Variants in GLB1 observed in about 807,000 individuals in gnomAD.
GLB1 encodes the protein beta-galactosidase.
In GLB1, 56 loss-of-function variants were observed where a neutral mutation model predicts 74.0. The ratio of observed to expected loss-of-function variants is 0.76; its 90% CI spans 0.61 to 0.94. GLB1 has a LOEUF of 0.94. Ranked by LOEUF, GLB1 falls within the 40% of genes least tolerant of loss-of-function variation. The pLI is 0.00. For synonymous variants in GLB1, 323 were observed against 323.6 expected (o/e 1.00, Z 0.02); for missense variants, 787 against 845.5 (o/e 0.93, Z 0.86).
intron 10 of GLB1, among the ~76,000 whole-genome samples, chr3:33,044,170 G>C (rs995786831): frequency 1.3e-5 from 2 of 152,050 alleles, no homozygotes; most frequent in Non-Finnish European, 2.9e-5. Context: ...ATTAATATTG[G>C]TGTATGTCAG....
At chr3:33,041,193 A>G (rs967150147) in intron 10 of GLB1, among the ~76,000 whole-genome samples, 1 of 152,236 alleles carries the variant, frequency 6.6e-6, no homozygotes, top group Non-Finnish European at 1.5e-5. Context: ...TCACACTTAG[A>G]TTCATCACAG....
chr3:33,006,424 C>T (rs1037613152), intron 15 of GLB1, among the ~76,000 whole-genome samples: 1 of 152,178 alleles, frequency 6.6e-6, no homozygotes, highest in Non-Finnish European at 1.5e-5. Context: ...TTCCACCCCC[C>T]CACCCCTGAC....
intron 1 of GLB1, chr3:33,096,480 G>A (rs755363318): frequency 1.3e-4 from 130 of 984,834 alleles, no homozygotes; most frequent in Non-Finnish European, 1.5e-4. Context: ...AAGGGCAGGC[G>A]ACGGGGAGTG....
intron 10 of GLB1, chr3:33,033,752 G>A: frequency 3.6e-6 from 1 of 277,974 alleles, no homozygotes; most frequent in Non-Finnish European, 6.8e-6. Context: ...CTGCACTCCA[G>A]CCTGGGTGAC....
chr3:33,008,996 G>C (rs1366457068), intron 15 of GLB1, among the ~76,000 whole-genome samples: 1 of 152,076 alleles, frequency 6.6e-6, no homozygotes, highest in East Asian at 1.9e-4. Context: ...GTGCATGCCT[G>C]TAATCCCAGC....
chr3:32,985,639 CAT>C, the GLB1 span, among the ~76,000 whole-genome samples: 1 of 151,840 alleles, frequency 6.6e-6, no homozygotes, highest in South Asian at 2.1e-4. Flanking sequence ...TTATTTTATG[CAT>C]ATGTGTGTTT....
At chr3:32,993,997 A>G (rs1222554420), downstream of GLB1, among the ~76,000 whole-genome samples, 1 of 152,176 alleles carries the variant, frequency 6.6e-6, no homozygotes, top group Non-Finnish European at 1.5e-5. Flanking sequence ...TTCAAAAAAG[A>G]TATTCTGAAA....
At chr3:33,030,674 C>G (rs1559390590) in intron 10 of GLB1, 2 of 985,418 alleles carry the variant, frequency 2.0e-6, no homozygotes, top group Non-Finnish European at 2.4e-6. Context: ...CCCATCCCCT[C>G]TTCACCACTC....
chr3:33,083,784 A>AT (rs60066820), intron 1 of GLB1, among the ~76,000 whole-genome samples: 30,162 of 152,004 alleles, frequency 0.2, 4,536 homozygotes, highest in African/African-American at 0.41. Context: ...GGCCAATGTA[A>AT]TTTTTTAAAA....
At chr3:33,094,585 T>C (rs957604935) in intron 1 of GLB1, among the ~76,000 whole-genome samples, 1 of 152,254 alleles carries the variant, frequency 6.6e-6, no homozygotes, top group African/African-American at 2.4e-5. Flanking sequence ...GTATTCAAAG[T>C]GTGGTCTGGA....
rs372166784 is a variant in GLB1, at chr3:33,065,548, G to A, written c.467C>T (p.Ala156Val). The A allele has an allele frequency of 3.8e-6, 6 of 1,575,938 alleles. No individual in the cohort carries two copies. The highest frequency in any genetic ancestry group is 5.2e-6 in the Non-Finnish European group (6 of 1,157,462). Residue 156 changes from alanine to valine, a missense_variant, in exon 5 of 16, where the codon GCA (alanine) becomes GTA (valine). Transcript: ENST00000307363. ...GACTCCCAACCACTTGTCCACAGCT[G>A]CCAGGTAATCTGGAAAACAAGAAAA... ...LLRSSDPDYL[A>V]AVDKWLGVLL...
chr3:33,014,238 C>A lies in GLB1; in HGVS notation c.1552G>T (p.Asp518Tyr). ...CCCCCCAGGTGGCTGCACACTGCAT[C>A]CTCAGTGTCCAGTGGAAAGATCGTC... The part of the protein sequence containing the change: ...DWTIFPLDTE[D>Y]AVCSHLGGWG... The change falls in exon 15 of 16, where the codon GAT (aspartate) becomes TAT (tyrosine). Residue 518 changes from aspartate to tyrosine, a missense_variant. By Grantham distance (160) the Asp-to-Tyr change is radical. Coordinates refer to ENST00000307363, the MANE Select transcript of GLB1 (RefSeq NM_000404.4). 1 of 1,614,140 alleles carries A rather than the reference C, an allele frequency of 6.2e-7. No homozygotes were observed. The highest frequency in any genetic ancestry group is 1.3e-5 in the African/African-American group (1 of 75,022).
rs1267253831 is a variant in GLB1 at position 33,093,598 on chromosome 3, G to T, written c.75+3413C>A. The T allele has an allele frequency of 1.2e-6, 2 of 1,614,188 alleles. No homozygotes were observed. The highest frequency in any genetic ancestry group is 2.2e-5 in the South Asian group (2 of 91,080). On this transcript the variant is annotated intron_variant, in intron 1 of 15. Coordinates refer to ENST00000307363, the MANE Select transcript of GLB1 (RefSeq NM_000404.4). The surrounding 1 kb of genome is among the most constrained non-coding windows in gnomAD (Gnocchi z 6.0). ...TTGAGGTTGTTCATTGAGGCAGGCA[G>T]CTGATGGATGGGCACCTCCACAGTT...
intron 5 of GLB1, among the ~76,000 whole-genome samples, chr3:33,062,206 C>T (rs746198004): frequency 6.6e-6 from 1 of 152,002 alleles, no homozygotes; most frequent in Non-Finnish European, 1.5e-5. Context: ...CTTTTTTGCC[C>T]AGGCTGGAGT....
In GLB1 at chr3:33,068,978, G is replaced by C. The variant is rs1559410134; in HGVS notation, c.246-8C>G. On this transcript the variant is annotated splice_region_variant and splice_polypyrimidine_tract_variant and intron_variant, in intron 2 of 15. Transcript: ENST00000307363. The stretch of plus-strand genomic sequence containing the variant: ...AAGTTCCAGGGCACATACCTGCCAA[G>C]ACACACACAGCCCCTTCCTGGATAC... The C allele has an allele frequency of 6.2e-7, 1 of 1,614,156 alleles. No homozygotes were observed. Among genetic ancestry groups the C allele is most frequent in the East Asian group, 2.2e-5 (1 of 44,886 alleles).
chr3:33,062,127 A>G (rs1699466835), intron 5 of GLB1, among the ~76,000 whole-genome samples: 1 of 152,150 alleles, frequency 6.6e-6, no homozygotes, highest in Non-Finnish European at 1.5e-5. Flanking sequence ...CTACCCTTCA[A>G]CATGAATTAA....
intron 10 of GLB1, among the ~76,000 whole-genome samples, chr3:33,027,795 T>C (rs552597553): frequency 6.6e-6 from 1 of 152,126 alleles, no homozygotes; most frequent in African/African-American, 2.4e-5. Flanking sequence ...AAATAAAATA[T>C]AAAATAAAAT....
the GLB1 span, among the ~76,000 whole-genome samples, chr3:32,964,642 C>T: frequency 6.6e-6 from 1 of 152,182 alleles, no homozygotes; most frequent in South Asian, 2.1e-4. Flanking sequence ...TTAGACAACT[C>T]TGTGTAAAGT....
intron 3 of GLB1, among the ~76,000 whole-genome samples, chr3:33,068,493 T>C (rs142430024): frequency 6.6e-6 from 1 of 152,300 alleles, no homozygotes; most frequent in East Asian, 1.9e-4. Flanking sequence ...ATGAATGCAA[T>C]GTTTTAAGGA....
Sources: gnomAD v4.1 joint callset for allele counts (sites outside exome capture counted in the v4.1 genomes callset) on GRCh38, gnomAD v4.1.1 for gene constraint, Gnocchi (gnomAD v3.1) non-coding constraint, MANE v1.5 for transcripts, NCBI Gene and HGNC (gene_info 2026-07-23, HGNC 2026-07-21) for gene names.